Variants in BACH2 observed in about 807,000 individuals in gnomAD.
The protein encoded by BACH2 is BACH transcriptional regulator 2, also known as transcription regulator protein BACH2.
In BACH2, 5 loss-of-function variants were observed where a neutral mutation model predicts 61.8. The observed-to-expected ratio is 0.08, with a 90% CI of 0.04 to 0.17. The LOEUF (loss-of-function observed/expected upper bound fraction) is 0.17. BACH2 is among the 10% of genes least tolerant of loss of function. BACH2 has a pLI of 1.00. For missense variants in BACH2, 824 were observed against 1,091.1 expected (o/e 0.76, Z 3.45); for synonymous variants, 446 against 440.1 (o/e 1.01, Z -0.17).
intron 4 of BACH2, among the ~76,000 whole-genome samples, chr6:90,168,843 C>T (rs965275969): frequency 6.6e-6 from 1 of 152,218 alleles, no homozygotes; most frequent in African/African-American, 2.4e-5. Flanking sequence ...GACACCACTA[C>T]CTTATTTCCT....
chr6:90,075,966 G>A (rs1781454952), intron 5 of BACH2, among the ~76,000 whole-genome samples: 1 of 152,146 alleles, frequency 6.6e-6, no homozygotes, highest in African/African-American at 2.4e-5. Flanking sequence ...ATGATGGTAA[G>A]AGACGATCCA....
chr6:90,004,113 C>A (rs1275082271), intron 6 of BACH2, among the ~76,000 whole-genome samples: 2 of 152,320 alleles, frequency 1.3e-5, no homozygotes, highest in African/African-American at 4.8e-5. Context: ...CCTCTAAAAA[C>A]TTCCAGACAA....
At chr6:90,204,172 C>T (rs188712046) in intron 4 of BACH2, among the ~76,000 whole-genome samples, 1 of 152,122 alleles carries the variant, frequency 6.6e-6, no homozygotes, top group African/African-American at 2.4e-5. Flanking sequence ...CTGAAGTGCC[C>T]CGTCAGTGAG....
intron 5 of BACH2, among the ~76,000 whole-genome samples, chr6:90,045,280 A>G (rs1245268249): frequency 6.6e-6 from 1 of 152,224 alleles, no homozygotes; most frequent in Non-Finnish European, 1.5e-5. Context: ...AGCAGTTTCC[A>G]CTGCTTGGCT....
At chr6:90,031,991 C>G (rs1694050098) in intron 5 of BACH2, among the ~76,000 whole-genome samples, 1 of 152,198 alleles carries the variant, frequency 6.6e-6, no homozygotes, top group Admixed American at 6.5e-5. Context: ...CAGCATGGTA[C>G]TGGTACCAAG....
chr6:90,069,462 T>C (rs915949699), intron 5 of BACH2, among the ~76,000 whole-genome samples: 2 of 152,240 alleles, frequency 1.3e-5, no homozygotes, highest in Non-Finnish European at 2.9e-5. Flanking sequence ...TGAGTTAATA[T>C]ATGGGTTAAG....
chr6:90,261,766 C>G (rs1335515883), intron 2 of BACH2, among the ~76,000 whole-genome samples: 1 of 152,176 alleles, frequency 6.6e-6, no homozygotes, highest in Non-Finnish European at 1.5e-5. Flanking sequence ...CCCTTGATCT[C>G]ACGATCTAAT....
intron 2 of BACH2, among the ~76,000 whole-genome samples, chr6:90,258,414 T>C (rs2127874025): frequency 6.6e-6 from 1 of 152,326 alleles, no homozygotes; most frequent in East Asian, 1.9e-4. Context: ...TCTGTTCCAC[T>C]GGTCTATGTG....
intron 6 of BACH2, among the ~76,000 whole-genome samples, chr6:89,985,211 G>A (rs528369377): frequency 1.3e-5 from 2 of 152,280 alleles, no homozygotes; most frequent in Non-Finnish European, 2.9e-5. Flanking sequence ...GAGAATTAAC[G>A]GATTAATGTT....
intron 6 of BACH2, among the ~76,000 whole-genome samples, chr6:89,979,916 C>T (rs1344020390): frequency 6.6e-6 from 1 of 152,184 alleles, no homozygotes; most frequent in Non-Finnish European, 1.5e-5. Flanking sequence ...GAACCAAATG[C>T]ATGAGATAAT....
chr6:90,278,387 G>T (rs1771759210), intron 1 of BACH2, among the ~76,000 whole-genome samples: 1 of 152,230 alleles, frequency 6.6e-6, no homozygotes, highest in East Asian at 1.9e-4. Context: ...ACCCTTCCAG[G>T]CCATGGAGAC....
intron 6 of BACH2, among the ~76,000 whole-genome samples, chr6:89,991,292 T>C (rs1239555217): frequency 6.6e-6 from 1 of 152,172 alleles, no homozygotes; most frequent in Non-Finnish European, 1.5e-5. Context: ...ATCTTGAAAA[T>C]TCTAATCCAC....
intron 4 of BACH2, among the ~76,000 whole-genome samples, chr6:90,103,892 A>G (rs1317378885): frequency 6.6e-6 from 1 of 152,230 alleles, no homozygotes; most frequent in Non-Finnish European, 1.5e-5. Context: ...GTATTTACAA[A>G]TTTGTCCTGA....
chr6:90,054,723 C>T (rs762461794), intron 5 of BACH2, among the ~76,000 whole-genome samples: 2 of 152,194 alleles, frequency 1.3e-5, no homozygotes, highest in African/African-American at 2.4e-5. Flanking sequence ...AGGCACCCCC[C>T]AGTAGAGGCG....
At chr6:90,131,615 T>C (rs1784083437) in intron 4 of BACH2, among the ~76,000 whole-genome samples, 1 of 152,242 alleles carries the variant, frequency 6.6e-6, no homozygotes, top group Non-Finnish European at 1.5e-5. Context: ...ATTCTTTTTC[T>C]ACACATGAGC....
At chr6:89,942,492 G>C (rs1383065889) in intron 7 of BACH2, among the ~76,000 whole-genome samples, 2 of 152,136 alleles carry the variant, frequency 1.3e-5, no homozygotes, top group African/African-American at 2.4e-5. Context: ...CTTATTAACT[G>C]TCCCTCCACA....
At chr6:90,031,792 T>C (rs548985484) in intron 5 of BACH2, among the ~76,000 whole-genome samples, 1 of 152,300 alleles carries the variant, frequency 6.6e-6, no homozygotes, top group African/African-American at 2.4e-5. Context: ...AAGTAATTTA[T>C]AGATTCAGTG....
rs1582361800 is a variant in BACH2, at chr6:90,102,685, G to A, written c.-161-13576C>T. On this transcript the variant is annotated intron_variant, in intron 4 of 8. Coordinates refer to ENST00000257749, the MANE Select transcript of BACH2 (RefSeq NM_021813.4). Reference sequence around the variant, plus strand: ...GGTGCCTGTAATCCCAGCTACTCGGGAGGACGAGGCAGGAGAATCACTTGA... The same window carrying A: ...GGTGCCTGTAATCCCAGCTACTCGGAAGGACGAGGCAGGAGAATCACTTGA... Among the ~76,000 whole-genome samples, 5 of 151,768 alleles carry A rather than the reference G, an allele frequency of 3.3e-5. 1 individual carries two copies. The South Asian group carries it at 1.0e-3, about 32-fold the overall frequency.
chr6:90,093,730 T>G (rs1782267900), intron 4 of BACH2, among the ~76,000 whole-genome samples: 1 of 152,144 alleles, frequency 6.6e-6, no homozygotes, highest in Non-Finnish European at 1.5e-5. Context: ...TTCTCCTAGG[T>G]GCTGGGCCAT....
Sources: allele counts gnomAD v4.1 joint callset (sites outside exome capture counted in the v4.1 genomes callset), GRCh38; gene constraint gnomAD v4.1.1; transcripts MANE v1.5; gene names NCBI Gene and HGNC (gene_info 2026-07-23, HGNC 2026-07-21).